Variants in NAA25 observed in about 807,000 individuals in gnomAD.
The protein encoded by NAA25 is N-terminal acetyltransferase B complex subunit NAA25.
In NAA25, 30 loss-of-function variants were observed where a neutral mutation model predicts 132.5. The observed-to-expected ratio is 0.23, with a 90% confidence interval of 0.17 to 0.31. The LOEUF is 0.31. NAA25 is among the 10% of genes least tolerant of loss of function. NAA25 has a pLI of 1.00. For missense variants in NAA25, 771 were observed against 1,150.4 expected, an observed-to-expected ratio of 0.67 and a Z score of 4.77; for synonymous variants, 359 against 401.9, an observed-to-expected ratio of 0.89 and a Z score of 1.28.
At chr12:112,030,619 G>A (rs938998220) in intron 23 of NAA25, among the ~76,000 whole-genome samples, 1 of 152,218 alleles carries the variant, frequency 6.6e-6, no homozygotes, top group Non-Finnish European at 1.5e-5. Context: ...AGTTCTCACA[G>A]AGAAAGGAGG....
chr12:112,047,484 G>A (rs1002742963), intron 17 of NAA25, among the ~76,000 whole-genome samples, 181 bp downstream of exon 17: 1 of 151,878 alleles, frequency 6.6e-6, no homozygotes, highest in African/African-American at 2.4e-5. Context: ...CACCGGCCTC[G>A]GCCTCCCAAA....
intron 7 of NAA25, among the ~76,000 whole-genome samples, chr12:112,077,112 T>A (rs536319866): frequency 7.9e-5 from 12 of 152,160 alleles, no homozygotes; most frequent in Non-Finnish European, 1.3e-4. Flanking sequence ...GGACAGTTAT[T>A]AAAGGAGTGA....
At chr12:112,033,157 G>A in intron 23 of NAA25, 76 bp downstream of exon 23, 1 of 1,422,362 alleles carries the variant, frequency 7.0e-7, no homozygotes. Context: ...ACTTGTCCTT[G>A]TGATAAAGAT....
intron 9 of NAA25, among the ~76,000 whole-genome samples, chr12:112,073,476 G>A (rs1486777411): frequency 1.3e-5 from 2 of 151,978 alleles, no homozygotes; most frequent in African/African-American, 4.8e-5. Context: ...TTGCTCTGTC[G>A]CCCAGGCTGG....
At chr12:112,061,654 TG>T (rs1195931241) in intron 11 of NAA25, among the ~76,000 whole-genome samples, 2 of 152,142 alleles carry the variant, frequency 1.3e-5, no homozygotes, top group Non-Finnish European at 2.9e-5. Context: ...CTACAGGCAG[TG>T]AAAGATTTTT....
chr12:112,081,189 A>C, intron 4 of NAA25, 55 bp from the exon 5 acceptor site: 4 of 1,421,364 alleles, frequency 2.8e-6, no homozygotes, highest in Non-Finnish European at 3.9e-6. Flanking sequence ...AAGGGGATTA[A>C]TGATCTAGAT....
At chr12:112,062,113 G>A (rs2078638677) in intron 11 of NAA25, among the ~76,000 whole-genome samples, 1 of 152,034 alleles carries the variant, frequency 6.6e-6, no homozygotes, top group Non-Finnish European at 1.5e-5. Flanking sequence ...AAAAAAAGAA[G>A]AGGCTGGGTG....
intron 7 of NAA25, 106 bp downstream of exon 7, chr12:112,078,082 A>G (rs973458967): frequency 2.2e-5 from 16 of 733,020 alleles, no homozygotes; most frequent in Non-Finnish European, 3.5e-5. Context: ...AAAATGATCA[A>G]AAGTGTTTAT....
At chr12:112,102,595 T>C (rs1421484633) in intron 1 of NAA25, among the ~76,000 whole-genome samples, 1 of 152,176 alleles carries the variant, frequency 6.6e-6, no homozygotes, top group East Asian at 1.9e-4. Flanking sequence ...TGACATAGAA[T>C]CTTGCTCTGT....
rs2078095118 is a variant in NAA25, at chr12:112,026,991, C to G, written c.*2540G>C. The G allele has an allele frequency of 6.6e-6, 1 of 152,534 alleles. No homozygotes were observed. The highest frequency in any genetic ancestry group is 2.4e-5 in the African/African-American group (1 of 41,432). The allele number at this position is 152,534 out of a possible 1,614,324, so 9.4% of individuals were successfully genotyped here. On this transcript the variant is annotated 3_prime_UTR_variant, in exon 24 of 24. Coordinates refer to ENST00000261745, the MANE Select transcript of NAA25 (RefSeq NM_024953.4). Reference sequence around the variant, plus strand: ...ACACAACTAGGCATTTGTACATTTTCCATTATGTGGAGAACACTACAAGTT... The same window carrying G: ...ACACAACTAGGCATTTGTACATTTTGCATTATGTGGAGAACACTACAAGTT...
At chr12:112,030,002 C>T (rs2078127801) in intron 23 of NAA25, among the ~76,000 whole-genome samples, 1 of 151,916 alleles carries the variant, frequency 6.6e-6, no homozygotes, top group Admixed American at 6.6e-5. Context: ...CACTTGAGCC[C>T]AGGAGTTTGA....
rs778200522 is a variant in NAA25 at position 112,047,684 on chromosome 12, T to C, written c.1987A>G (p.Ser663Gly). 1 of 1,612,996 alleles carries C rather than the reference T, an allele frequency of 6.2e-7. No individual in the cohort carries two copies. The highest frequency in any genetic ancestry group is 1.1e-5 in the South Asian group (1 of 90,606). The change falls in exon 17 of 24, where the codon AGC (serine) becomes GGC (glycine). Residue 663 changes from serine (S) to glycine (G), a missense_variant. By Grantham distance (56) the Ser-to-Gly change is moderately conservative. Transcript: ENST00000261745. ...AGTTACCTGTCTTTTGGATCCCAGCTGAAAAAAACATTTAAGTCTCTGTTG... is the reference window on the plus strand; with the variant it reads ...AGTTACCTGTCTTTTGGATCCCAGCCGAAAAAAACATTTAAGTCTCTGTTG... ...RDNRDLNVFFSWDPKDRDVSE... is the reference protein window; with the variant it reads ...RDNRDLNVFFGWDPKDRDVSE...
chr12:112,043,153 G>A lies in NAA25; in HGVS notation c.2309C>T (p.Ser770Phe), dbSNP rs1165889074. ...ATAAAAAGAGCTTATCTGGCACTGA[G>A]AACAGCCAGAATTAAAGAATCCACC... ...RMGGFFNSGC[S>F]QCQISSFYLV... The change falls in exon 19 of 24, where the codon TCT becomes TTT. Residue 770 changes from serine to phenylalanine, a missense_variant. Physicochemically the swap from Ser to Phe is radical, Grantham distance 155. Coordinates refer to ENST00000261745, the MANE Select transcript of NAA25 (RefSeq NM_024953.4). 1.2e-6 allele frequency: 2 copies of A among 1,613,196 alleles called. No individual in the cohort carries two copies. The highest frequency in any genetic ancestry group is 2.2e-5 in the East Asian group (1 of 44,842).
At chr12:112,106,035 G>A (rs939621454) in intron 1 of NAA25, among the ~76,000 whole-genome samples, 3 of 152,216 alleles carry the variant, frequency 2.0e-5, no homozygotes, top group African/African-American at 7.2e-5. Flanking sequence ...AACAACAAAA[G>A]TGTGGAGTTC....
rs963926255 is a variant in NAA25 at position 112,049,702 on chromosome 12, G to C, written c.1729-1259C>G. On this transcript the variant is annotated intron_variant, in intron 15 of 23. Coordinates refer to ENST00000261745, the MANE Select transcript of NAA25 (RefSeq NM_024953.4). The surrounding 1 kb of genome is among the most constrained non-coding windows in gnomAD (Gnocchi z 4.7). ...CAAGAAGGACTACCTGAAAAAGCTC[G>C]AGTATACCTTCTAGCTTGATTAAAG... is the stretch of plus-strand genomic sequence containing the variant. 2 of 910,592 alleles carry C rather than the reference G, an allele frequency of 2.2e-6. No individual in the cohort carries two copies. The highest frequency in any genetic ancestry group is 2.6e-6 in the Non-Finnish European group (2 of 761,872). 56.4% of individuals were successfully genotyped at this position (910,592 alleles called of 1,614,324 possible).
chr12:112,057,786 C>T (rs2078569139), intron 13 of NAA25, among the ~76,000 whole-genome samples: 1 of 152,156 alleles, frequency 6.6e-6, no homozygotes, highest in South Asian at 2.1e-4. Context: ...GTCAAGAGAT[C>T]CTGGCCAACA....
Position 112,048,263 on chromosome 12 carries a change from T to C in NAA25, c.1880+29A>G. 4 of 1,599,766 alleles carry C rather than the reference T, an allele frequency of 2.5e-6. No individual in the cohort carries two copies. The South Asian group carries it at 3.3e-5, about 13-fold the overall frequency. ...CTTAACAACTGATCTAATCCCTTAG[T>C]TCCTTTATAGCTCTCATGCAATACT... On this transcript the variant is annotated intron_variant, in intron 16 of 23. Transcript: ENST00000261745.
At chr12:112,044,740 A>G (rs919023600) in intron 17 of NAA25, among the ~76,000 whole-genome samples, 3 of 151,612 alleles carry the variant, frequency 2.0e-5, no homozygotes, top group Non-Finnish European at 4.4e-5. Flanking sequence ...TTGTTCTCTG[A>G]TTATAAAAAT....
At chr12:112,055,568 G>A (rs573310078) in intron 13 of NAA25, among the ~76,000 whole-genome samples, 3 of 152,206 alleles carry the variant, frequency 2.0e-5, no homozygotes, top group South Asian at 4.2e-4. Flanking sequence ...AGATGTGGTG[G>A]TGCACACTGC....
Sources: gnomAD v4.1 joint callset for allele counts (sites outside exome capture counted in the v4.1 genomes callset) on GRCh38, gnomAD v4.1.1 for gene constraint, Gnocchi (gnomAD v3.1) non-coding constraint, MANE v1.5 for transcripts, NCBI Gene and HGNC (gene_info 2026-07-23, HGNC 2026-07-21) for gene names.